HPSE2: variants seen among roughly 807,000 people sequenced by gnomAD.
HPSE2 encodes the protein heparanase 2 (inactive).
In HPSE2, 38 loss-of-function variants were observed where a neutral mutation model predicts 60.5. The ratio of observed to expected loss-of-function variants is 0.63; its 90% confidence interval spans 0.48 to 0.82. The LOEUF (loss-of-function observed/expected upper bound fraction) is 0.82, where lower values mean the gene tolerates loss of function less well. Ranked by LOEUF, HPSE2 falls within the 40% of genes least tolerant of loss-of-function variation. The pLI, the probability that HPSE2 is intolerant of heterozygous loss-of-function variation, is 0.00. For missense variants in HPSE2, 713 were observed against 740.4 expected (o/e 0.96, Z 0.43); for synonymous variants, 295 against 293.2 (o/e 1.01, Z -0.06).
rs147153690 is a variant in HPSE2, at chr10:98,551,769, C to T, written c.1321-61573G>A. Among the ~76,000 whole-genome samples, 96 of 152,184 alleles carry T rather than the reference C, an allele frequency of 6.3e-4. No individual in the cohort carries two copies. The East Asian group carries it at 0.014, about 21-fold the overall frequency. On this transcript the variant is annotated intron_variant, in intron 9 of 11. Transcript: ENST00000370552. The stretch of plus-strand genomic sequence containing the variant: ...TTTTTTCTTTTTTGCTTAAGTTAGC[C>T]AGAGTTGGTTACTGTTGCTTACAAC...
At chr10:98,930,200 T>G (rs980742628) in intron 3 of HPSE2, among the ~76,000 whole-genome samples, 1 of 143,972 alleles carries the variant, frequency 6.9e-6, no homozygotes, top group Non-Finnish European at 1.5e-5. Context: ...GTGTTCTCAT[T>G]GTTCAGTTCC....
chr10:98,681,986 C>T lies in HPSE2; in HGVS notation c.1004+11914G>A, dbSNP rs191968789. On this transcript the variant is annotated intron_variant, in intron 6 of 11. Coordinates refer to ENST00000370552, the MANE Select transcript of HPSE2 (RefSeq NM_021828.5). The stretch of plus-strand genomic sequence containing the variant: ...AACCTATTGTAAATTCAAAATACCA[C>T]GTGCATTTAATGCACCTAATCTACC... Among the ~76,000 whole-genome samples the T allele has an allele frequency of 9.8e-5, 15 of 152,292 alleles. No individual in the cohort carries two copies. The East Asian group carries it at 1.7e-3, about 18-fold the overall frequency.
At chr10:98,617,294 T>C (rs899809541) in intron 8 of HPSE2, among the ~76,000 whole-genome samples, 2 of 152,156 alleles carry the variant, frequency 1.3e-5, no homozygotes, top group African/African-American at 4.8e-5. Context: ...TGAGAAGATA[T>C]TAAAAAACGC....
At chr10:99,105,061 T>TAAA (rs56694752) in intron 3 of HPSE2, among the ~76,000 whole-genome samples, 1 of 138,180 alleles carries the variant, frequency 7.2e-6, no homozygotes, top group South Asian at 2.2e-4. Context: ...TAAAATATAA[T>TAAA]AAAAAAAAAA....
intron 9 of HPSE2, among the ~76,000 whole-genome samples, chr10:98,588,858 G>C (rs1945009340): frequency 6.6e-6 from 1 of 151,724 alleles, no homozygotes; most frequent in Non-Finnish European, 1.5e-5. Flanking sequence ...TTAGTACCTA[G>C]ATGGCATCTA....
At chr10:99,108,326 A>G (rs561336437) in intron 3 of HPSE2, among the ~76,000 whole-genome samples, 27 of 152,170 alleles carry the variant, frequency 1.8e-4, no homozygotes, top group Non-Finnish European at 3.2e-4. Flanking sequence ...ACTAACAGAC[A>G]TAAGCTAAAA....
At chr10:98,556,822 CG>C (rs1944021315) in intron 9 of HPSE2, among the ~76,000 whole-genome samples, 2 of 151,854 alleles carry the variant, frequency 1.3e-5, no homozygotes, top group Admixed American at 1.3e-4. Flanking sequence ...AAAATTTATA[CG>C]GCAATGCCAA....
chr10:98,691,293 C>T (rs1948071306), intron 6 of HPSE2, among the ~76,000 whole-genome samples: 1 of 152,118 alleles, frequency 6.6e-6, no homozygotes. Flanking sequence ...AATACAACCC[C>T]CTGCTTGCTT....
At chr10:98,915,108 C>A (rs577095090) in intron 3 of HPSE2, among the ~76,000 whole-genome samples, 2 of 149,696 alleles carry the variant, frequency 1.3e-5, no homozygotes, top group South Asian at 2.1e-4. Context: ...CCTCGATAAA[C>A]TTTGATGTAA....
At chr10:98,761,620 T>G (rs2134388492) in intron 3 of HPSE2, among the ~76,000 whole-genome samples, 2 of 152,314 alleles carry the variant, frequency 1.3e-5, no homozygotes, top group South Asian at 4.1e-4. Flanking sequence ...ACTGCCATTG[T>G]CAACCAATAT....
intron 3 of HPSE2, among the ~76,000 whole-genome samples, chr10:98,864,006 T>G (rs1321321656): frequency 6.6e-6 from 1 of 152,100 alleles, no homozygotes; most frequent in Non-Finnish European, 1.5e-5. Context: ...ATTCAGCCTA[T>G]AGCTGATGAT....
intron 3 of HPSE2, among the ~76,000 whole-genome samples, chr10:98,773,261 A>G (rs1007144918): frequency 6.6e-6 from 1 of 152,194 alleles, no homozygotes; most frequent in Non-Finnish European, 1.5e-5. Flanking sequence ...TAGCTCTAGG[A>G]TCCTGTGGGT....
upstream of HPSE2, among the ~76,000 whole-genome samples, chr10:99,239,567 C>A (rs1455744798): frequency 6.6e-6 from 1 of 151,574 alleles, no homozygotes; most frequent in Non-Finnish European, 1.5e-5. Flanking sequence ...GTAGCTGGGA[C>A]TACAGGCGCA....
At chr10:98,919,774 A>T (rs536535587) in intron 3 of HPSE2, among the ~76,000 whole-genome samples, 1 of 152,324 alleles carries the variant, frequency 6.6e-6, no homozygotes, top group East Asian at 1.9e-4. Context: ...AAATAAAAGT[A>T]CAGATAGTTG....
In HPSE2 at chr10:98,903,537, C is replaced by T. The variant is rs192594445; in HGVS notation, c.611-159481G>A. 8.3e-4 allele frequency among the ~76,000 whole-genome samples: 127 copies of T among 152,148 alleles called. 1 individual carries two copies. The Middle Eastern group carries it at 0.024, about 29-fold the overall frequency. On this transcript the variant is annotated intron_variant, in intron 3 of 11. Coordinates refer to ENST00000370552, the MANE Select transcript of HPSE2 (RefSeq NM_021828.5). ...CCTCTTTAGTGCTAAGATCAAGAAG[C>T]GGTCTCACTCTCTCTCTCTCGTTTC...
chr10:98,909,275 G>C (rs1326282596), intron 3 of HPSE2, among the ~76,000 whole-genome samples: 2 of 151,264 alleles, frequency 1.3e-5, no homozygotes, highest in South Asian at 4.2e-4. Flanking sequence ...TTCTTTTCCT[G>C]TATTTTCCAA....
intron 3 of HPSE2, among the ~76,000 whole-genome samples, chr10:98,854,184 T>C (rs1952251152): frequency 6.6e-6 from 1 of 152,194 alleles, no homozygotes; most frequent in Non-Finnish European, 1.5e-5. Context: ...ACTTTACTTA[T>C]ATTGCATGTT....
rs1323421805 is a variant in HPSE2, at chr10:98,530,726, T to A, written c.1321-40530A>T. 3.3e-5 allele frequency among the ~76,000 whole-genome samples: 5 copies of A among 152,168 alleles called. No homozygotes were observed. In the South Asian group the frequency reaches 1.0e-3, roughly 32 times the overall value. Reference sequence around the variant, plus strand: ...CCCACCCTGTAGTGTATACACAGCATCCACAGGTAACCTGTAGCAGGGCTT... The same window carrying A: ...CCCACCCTGTAGTGTATACACAGCAACCACAGGTAACCTGTAGCAGGGCTT... On this transcript the variant is annotated intron_variant, in intron 9 of 11. Coordinates refer to ENST00000370552, the MANE Select transcript of HPSE2 (RefSeq NM_021828.5).
intron 3 of HPSE2, among the ~76,000 whole-genome samples, chr10:98,898,033 A>G (rs1953546180): frequency 6.6e-6 from 1 of 152,160 alleles, no homozygotes; most frequent in Non-Finnish European, 1.5e-5. Context: ...AACGTAAGCA[A>G]AAGATATGAA....
Sources: gnomAD v4.1 joint callset for allele counts (sites outside exome capture counted in the v4.1 genomes callset) on GRCh38, gnomAD v4.1.1 for gene constraint, MANE v1.5 for transcripts, NCBI Gene and HGNC (gene_info 2026-07-23, HGNC 2026-07-21) for gene names.